The following LINGO2 variants were observed in gnomAD, a reference collection of about 807,000 sequenced individuals.
LINGO2 encodes leucine rich repeat and Ig domain containing 2.
LINGO2 carries 14 observed loss-of-function variants against 30.6 expected under a neutral mutation model. That is an observed-to-expected ratio of 0.46 (90% confidence interval 0.30 to 0.72). The LOEUF (loss-of-function observed/expected upper bound fraction) is 0.72. Ranked by LOEUF, LINGO2 falls within the 30% of genes least tolerant of loss-of-function variation. LINGO2 has a pLI of 0.07. For missense variants in LINGO2, 729 were observed against 751.7 expected (o/e 0.97, Z 0.35); for synonymous variants, 317 against 288.5 (o/e 1.10, Z -1.00).
chr9:28,611,173 C>A (rs1825898487), intron 1 of LINGO2, among the ~76,000 whole-genome samples: 1 of 152,080 alleles, frequency 6.6e-6, no homozygotes, highest in Non-Finnish European at 1.5e-5. Context: ...GTCAAAATAT[C>A]TTTAAAGGGG....
At chr9:28,539,694 T>C (rs1479961969) in intron 1 of LINGO2, among the ~76,000 whole-genome samples, 3 of 152,190 alleles carry the variant, frequency 2.0e-5, no homozygotes, top group Non-Finnish European at 2.9e-5. Flanking sequence ...TATTTAATAA[T>C]GGCATGAGGT....
At chr9:28,138,114 T>C (rs1337050486) in intron 4 of LINGO2, among the ~76,000 whole-genome samples, 1 of 152,202 alleles carries the variant, frequency 6.6e-6, no homozygotes. Context: ...TTGCTCAAGA[T>C]CACCTTGACA....
intron 4 of LINGO2, among the ~76,000 whole-genome samples, chr9:28,249,549 G>C (rs1822120260): frequency 6.6e-6 from 1 of 152,076 alleles, no homozygotes; most frequent in African/African-American, 2.4e-5. Context: ...TGGGCCTTAA[G>C]AATTTTTTCT....
chr9:28,728,244 C>T, the LINGO2 span, among the ~76,000 whole-genome samples: 1 of 152,072 alleles, frequency 6.6e-6, no homozygotes, highest in Non-Finnish European at 1.5e-5. Flanking sequence ...CCACAACCCC[C>T]TCCCCTTCAC....
intron 5 of LINGO2, among the ~76,000 whole-genome samples, chr9:27,957,409 T>G (rs1819626380): frequency 6.6e-6 from 1 of 152,130 alleles, no homozygotes. Flanking sequence ...TTCTCCTGCC[T>G]CAGCCTCCCG....
intron 2 of LINGO2, among the ~76,000 whole-genome samples, chr9:28,446,712 C>A (rs1824437576): frequency 6.6e-6 from 1 of 152,206 alleles, no homozygotes; most frequent in Non-Finnish European, 1.5e-5. Flanking sequence ...TTTTCTAATC[C>A]ATTCCCTACA....
intron 4 of LINGO2, among the ~76,000 whole-genome samples, chr9:28,118,286 G>C (rs1455318832): frequency 6.6e-6 from 1 of 152,128 alleles, no homozygotes; most frequent in Non-Finnish European, 1.5e-5. Flanking sequence ...ATTGAGTATG[G>C]AGAACTGAGA....
the LINGO2 span, among the ~76,000 whole-genome samples, chr9:28,855,313 T>A: frequency 1.2e-4 from 18 of 151,984 alleles, no homozygotes; most frequent in African/African-American, 4.1e-4. Flanking sequence ...GTAAATGGAT[T>A]TTTAAAAACA....
chr9:28,734,584 G>T, the LINGO2 span, among the ~76,000 whole-genome samples: 1 of 152,034 alleles, frequency 6.6e-6, no homozygotes, highest in Non-Finnish European at 1.5e-5. Context: ...TGGTAGATTC[G>T]CAGCTCAAAT....
the LINGO2 span, chr9:27,942,601 T>C: frequency 6.6e-6 from 1 of 152,154 alleles, no homozygotes; most frequent in Non-Finnish European, 1.5e-5. Context: ...AACAAAAACT[T>C]TCAGGCATTT....
chr9:29,192,564 T>G, the LINGO2 span, among the ~76,000 whole-genome samples: 1 of 152,184 alleles, frequency 6.6e-6, no homozygotes, highest in African/African-American at 2.4e-5. Context: ...TATTAACATA[T>G]TTCCTCAAAT....
the LINGO2 span, among the ~76,000 whole-genome samples, chr9:29,075,770 G>A: frequency 6.6e-6 from 1 of 152,030 alleles, no homozygotes; most frequent in African/African-American, 2.4e-5. Flanking sequence ...AAACAAAAAA[G>A]GGAACAAAAA....
intron 1 of LINGO2, among the ~76,000 whole-genome samples, chr9:28,535,074 G>A (rs982757411): frequency 6.6e-6 from 1 of 152,024 alleles, no homozygotes; most frequent in African/African-American, 2.4e-5. Context: ...AATTACCACA[G>A]GGAAAGTATT....
At chr9:29,082,352 G>A in the LINGO2 span, among the ~76,000 whole-genome samples, 1 of 152,248 alleles carries the variant, frequency 6.6e-6, no homozygotes, top group Admixed American at 6.5e-5. Flanking sequence ...TTTAATAAAT[G>A]GTGCTGGGAA....
chr9:28,547,324 T>C (rs1822001292), intron 1 of LINGO2, among the ~76,000 whole-genome samples: 1 of 152,116 alleles, frequency 6.6e-6, no homozygotes, highest in South Asian at 2.1e-4. Flanking sequence ...AAAGAAGTCT[T>C]AGTAATGTGA....
chr9:27,999,471 A>AGAGAGT (rs1554652630), intron 5 of LINGO2, among the ~76,000 whole-genome samples: 1 of 146,084 alleles, frequency 6.8e-6, no homozygotes, highest in Admixed American at 6.8e-5. Flanking sequence ...AGAGAGAGAG[A>AGAGAGT]GTCTGTGTGA....
At chr9:29,042,700 T>C in the LINGO2 span, among the ~76,000 whole-genome samples, 1 of 152,002 alleles carries the variant, frequency 6.6e-6, no homozygotes, top group African/African-American at 2.4e-5. Context: ...TTTTAATATA[T>C]GTACACATTG....
intron 3 of LINGO2, among the ~76,000 whole-genome samples, chr9:28,315,500 C>G (rs1168603871): frequency 2.0e-5 from 3 of 151,896 alleles, no homozygotes; most frequent in Non-Finnish European, 4.4e-5. Flanking sequence ...TGTGCCTCAT[C>G]TTTATTTATG....
intron 4 of LINGO2, among the ~76,000 whole-genome samples, chr9:28,035,465 A>G (rs1488362393): frequency 6.6e-6 from 1 of 152,234 alleles, no homozygotes; most frequent in African/African-American, 2.4e-5. Context: ...TGCTTCTGGT[A>G]TGCTACAGTA....
Sources: gnomAD v4.1 joint callset for allele counts (sites outside exome capture counted in the v4.1 genomes callset) on GRCh38, gnomAD v4.1.1 for gene constraint, MANE v1.5 for transcripts, NCBI Gene and HGNC (gene_info 2026-07-23, HGNC 2026-07-21) for gene names.